KCNIP4: variants seen among roughly 807,000 people sequenced by gnomAD.
The protein encoded by KCNIP4 is Kv channel-interacting protein 4.
Under a neutral mutation model 34.0 loss-of-function variants are expected in KCNIP4, and 12 were observed. The ratio of observed to expected loss-of-function variants is 0.35; its 90% CI spans 0.23 to 0.57. The LOEUF is 0.57. Ranked by LOEUF, KCNIP4 falls within the 20% of genes least tolerant of loss-of-function variation. KCNIP4 has a pLI of 0.83. For synonymous variants in KCNIP4, 124 were observed against 102.2 expected, an observed-to-expected ratio of 1.21 and a Z score of -1.29; for missense variants, 238 against 311.7, an observed-to-expected ratio of 0.76 and a Z score of 1.78.
intron 1 of KCNIP4, among the ~76,000 whole-genome samples, chr4:21,888,940 C>T (rs1364703573): frequency 6.6e-6 from 1 of 152,108 alleles, no homozygotes; most frequent in Non-Finnish European, 1.5e-5. Flanking sequence ...ATCTGAAAAC[C>T]TGAAACTTGA....
chr4:21,720,650 T>C (rs1714758536), intron 1 of KCNIP4, among the ~76,000 whole-genome samples: 1 of 151,624 alleles, frequency 6.6e-6, no homozygotes, highest in Non-Finnish European at 1.5e-5. Flanking sequence ...TCATTTACAT[T>C]AGGTATATCT....
At chr4:21,438,622 GA>G (rs1264345052) in intron 1 of KCNIP4, among the ~76,000 whole-genome samples, 2 of 152,094 alleles carry the variant, frequency 1.3e-5, no homozygotes, top group African/African-American at 2.4e-5. Context: ...ATGGTTATAT[GA>G]AAAAAGGTAA....
chr4:21,501,223 T>TTCTC (rs764384677), intron 1 of KCNIP4, among the ~76,000 whole-genome samples: 31 of 142,520 alleles, frequency 2.2e-4, no homozygotes, highest in East Asian at 4.2e-4. Flanking sequence ...TCAACTGCCT[T>TTCTC]TCTCTCTCTC....
rs183937181 is a variant in KCNIP4 at position 21,181,701 on chromosome 4, G to A, written c.62-298992C>T. 6.3e-3 allele frequency among the ~76,000 whole-genome samples: 952 copies of A among 152,176 alleles called. 11 individuals are homozygous for A. Among genetic ancestry groups the A allele is most frequent in the African/African-American group, 0.022 (901 of 41,536 alleles). ...AGAAGTTCTGAGAGTCCATGTAATC[G>A]AAACAGTCTCCTCTTTGACAACAAG... On this transcript the variant is annotated intron_variant, in intron 1 of 8. Coordinates refer to ENST00000382152, the MANE Select transcript of KCNIP4 (RefSeq NM_025221.6).
chr4:21,351,881 C>T (rs1481518485), intron 1 of KCNIP4, among the ~76,000 whole-genome samples: 2 of 152,158 alleles, frequency 1.3e-5, no homozygotes, highest in Non-Finnish European at 1.5e-5. Flanking sequence ...TTGTTTAACT[C>T]AGCCAGTCTG....
At chr4:21,350,045 C>T (rs2109371164) in intron 1 of KCNIP4, among the ~76,000 whole-genome samples, 1 of 152,034 alleles carries the variant, frequency 6.6e-6, no homozygotes, top group East Asian at 1.9e-4. Flanking sequence ...TAACATGTAC[C>T]TAAATGAAAG....
intron 1 of KCNIP4, among the ~76,000 whole-genome samples, chr4:20,986,922 C>T (rs1284944709): frequency 1.5e-5 from 2 of 129,752 alleles, no homozygotes; most frequent in Non-Finnish European, 1.6e-5. Context: ...TTACATTTAC[C>T]ACATGCTTTC....
At chr4:21,803,260 G>A (rs1021749238) in intron 1 of KCNIP4, among the ~76,000 whole-genome samples, 3 of 152,036 alleles carry the variant, frequency 2.0e-5, no homozygotes, top group Non-Finnish European at 4.4e-5. Flanking sequence ...CCATTATACA[G>A]TCTTATTTAT....
intron 1 of KCNIP4, among the ~76,000 whole-genome samples, chr4:20,943,119 A>T (rs565831921): frequency 2.2e-5 from 1 of 46,430 alleles, no homozygotes; most frequent in Non-Finnish European, 4.7e-5. Flanking sequence ...AAATGCAGGC[A>T]TTGCATTTTT....
chr4:21,313,511 T>C lies in KCNIP4; in HGVS notation c.62-430802A>G, dbSNP rs147713958. 5.5e-3 allele frequency among the ~76,000 whole-genome samples: 842 copies of C among 152,308 alleles called. 7 individuals are homozygous for C. Among genetic ancestry groups the C allele is most frequent in the Non-Finnish European group, 8.9e-3 (608 of 68,024 alleles). On this transcript the variant is annotated intron_variant, in intron 1 of 8. Transcript: ENST00000382152. ...TATTAACTTTGATTTTAAACACAAA[T>C]ATTTCAAATAAAAAACCTATGATAA... is the stretch of plus-strand genomic sequence containing the variant.
intron 1 of KCNIP4, among the ~76,000 whole-genome samples, chr4:21,529,536 C>G (rs1351143710): frequency 6.6e-6 from 1 of 152,124 alleles, no homozygotes; most frequent in Non-Finnish European, 1.5e-5. Context: ...AGAAATCAAT[C>G]TTAGTTTTTT....
chr4:20,910,626 G>A (rs1029391360), intron 1 of KCNIP4, among the ~76,000 whole-genome samples: 1 of 152,082 alleles, frequency 6.6e-6, no homozygotes, highest in Non-Finnish European at 1.5e-5. Context: ...ACATCTCCCT[G>A]GTCCTTTTGT....
intron 1 of KCNIP4, among the ~76,000 whole-genome samples, chr4:21,643,913 T>TAGATAGAC (rs1246507943): frequency 2.6e-4 from 36 of 141,050 alleles, no homozygotes; most frequent in African/African-American, 7.9e-4. Flanking sequence ...GATAGATAGA[T>TAGATAGAC]AGACTGGCAG....
At chr4:21,748,854 G>A (rs1232789894) in intron 1 of KCNIP4, among the ~76,000 whole-genome samples, 1 of 152,124 alleles carries the variant, frequency 6.6e-6, no homozygotes, top group Admixed American at 6.6e-5. Flanking sequence ...CTAATGTCCA[G>A]TTCCTGGGTT....
chr4:21,170,230 C>T (rs1044850096), intron 1 of KCNIP4, among the ~76,000 whole-genome samples: 2 of 152,076 alleles, frequency 1.3e-5, no homozygotes, highest in African/African-American at 4.8e-5. Context: ...CATGGTAGAT[C>T]TTTCATTAGC....
chr4:21,362,709 T>C (rs866894713), intron 1 of KCNIP4, among the ~76,000 whole-genome samples: 4 of 152,144 alleles, frequency 2.6e-5, no homozygotes, highest in Non-Finnish European at 5.9e-5. Flanking sequence ...GACAGTCACA[T>C]CCTTCTGTGG....
chr4:21,255,446 A>C (rs1167368812), intron 1 of KCNIP4, among the ~76,000 whole-genome samples: 2 of 151,992 alleles, frequency 1.3e-5, no homozygotes, highest in African/African-American at 4.8e-5. Flanking sequence ...TCAAAAATCC[A>C]TCTTCAGGCC....
intron 1 of KCNIP4, among the ~76,000 whole-genome samples, chr4:21,573,786 G>T (rs1019121828): frequency 1.3e-5 from 2 of 152,242 alleles, no homozygotes; most frequent in East Asian, 3.9e-4. Context: ...AATTTCCAAT[G>T]ATTATCAGCC....
chr4:21,584,443 C>T (rs1741465482), intron 1 of KCNIP4, among the ~76,000 whole-genome samples: 1 of 152,000 alleles, frequency 6.6e-6, no homozygotes, highest in South Asian at 2.1e-4. Context: ...TCTTCGAAAA[C>T]TTAAAGCCAA....
Sources: allele counts gnomAD v4.1 joint callset (sites outside exome capture counted in the v4.1 genomes callset), GRCh38; gene constraint gnomAD v4.1.1; transcripts MANE v1.5; gene names NCBI Gene and HGNC (gene_info 2026-07-23, HGNC 2026-07-21).